GAS2: variants seen among roughly 807,000 people sequenced by gnomAD.
GAS2 encodes the protein growth arrest specific 2.
Under a neutral mutation model 37.5 loss-of-function variants are expected in GAS2, and 20 were observed. That is an observed-to-expected ratio of 0.53 (90% CI 0.37 to 0.77). GAS2 has a LOEUF of 0.77. Ranked by LOEUF, GAS2 falls within the 30% of genes least tolerant of loss-of-function variation. GAS2 has a pLI of 0.00. For synonymous variants in GAS2, 144 were observed against 132.2 expected (o/e 1.09, Z -0.61); for missense variants, 336 against 373.4 (o/e 0.90, Z 0.82).
chr11:22,657,282 G>T (rs1263328354), intron 1 of GAS2, among the ~76,000 whole-genome samples: 1 of 152,184 alleles, frequency 6.6e-6, no homozygotes. Flanking sequence ...CTGGGACAGG[G>T]TAACAGCAAG....
At chr11:22,705,537 T>C (rs1460047194) in intron 3 of GAS2, among the ~76,000 whole-genome samples, 1 of 152,228 alleles carries the variant, frequency 6.6e-6, no homozygotes, top group African/African-American at 2.4e-5. Flanking sequence ...ACTTGCAGTC[T>C]AGTTAGGTAC....
At chr11:22,740,818 A>T (rs942895737) in intron 5 of GAS2, among the ~76,000 whole-genome samples, 4 of 152,212 alleles carry the variant, frequency 2.6e-5, no homozygotes, top group Non-Finnish European at 4.4e-5. Context: ...CCCATAGAGG[A>T]TTATACAAAT....
At chr11:22,675,671 A>G (rs1849393626) in intron 2 of GAS2, among the ~76,000 whole-genome samples, 1 of 95,196 alleles carries the variant, frequency 1.1e-5, no homozygotes, top group South Asian at 3.0e-4. Flanking sequence ...TCACATGTTT[A>G]AAGGATCATC....
chr11:22,756,034 AGGAACTTCCATAT>A, intron 7 of GAS2, 81 bp downstream of exon 7: 1 of 945,420 alleles, frequency 1.1e-6, no homozygotes, highest in Non-Finnish European at 1.6e-6. Context: ...AGATAAGAGC[AGGAACTTCCATAT>A]GGTGCTTACG....
chr11:22,739,383 A>C (rs1304064117), intron 5 of GAS2, among the ~76,000 whole-genome samples: 1 of 151,696 alleles, frequency 6.6e-6, no homozygotes, highest in African/African-American at 2.4e-5. Context: ...GACCATCCTG[A>C]CTAACAGAAT....
intron 3 of GAS2, among the ~76,000 whole-genome samples, chr11:22,688,751 G>A (rs950911219): frequency 1.3e-5 from 2 of 151,946 alleles, no homozygotes; most frequent in Non-Finnish European, 2.9e-5. Context: ...TGTGATAAAG[G>A]TTTTAGTATA....
At chr11:22,638,407 G>A (rs1194595360) in intron 1 of GAS2, among the ~76,000 whole-genome samples, 2 of 150,806 alleles carry the variant, frequency 1.3e-5, no homozygotes, top group African/African-American at 4.9e-5. Context: ...GTGCAGTGGC[G>A]TGATCTCGGC....
At chr11:22,750,273 G>T (rs1347172290) in intron 6 of GAS2, among the ~76,000 whole-genome samples, 4 of 152,182 alleles carry the variant, frequency 2.6e-5, no homozygotes, top group Middle Eastern at 3.4e-3. Flanking sequence ...CAGGATATGA[G>T]CAGAAAAGAG....
intron 3 of GAS2, among the ~76,000 whole-genome samples, chr11:22,721,905 T>A (rs933307116): frequency 8.6e-5 from 13 of 152,016 alleles, no homozygotes; most frequent in Non-Finnish European, 1.8e-4. Context: ...ATATTCAGTA[T>A]TTTTTACTTG....
chr11:22,626,474 T>C (rs1307371669), intron 1 of GAS2: 1 of 154,152 alleles, frequency 6.5e-6, no homozygotes, highest in Non-Finnish European at 1.4e-5. Flanking sequence ...AATAGCTTAA[T>C]TGACTCTTCT....
intron 7 of GAS2, among the ~76,000 whole-genome samples, chr11:22,771,996 T>A (rs1369787265): frequency 6.6e-6 from 1 of 152,186 alleles, no homozygotes; most frequent in Non-Finnish European, 1.5e-5. Flanking sequence ...TCCCCATTAA[T>A]AATTGACAGA....
chr11:22,756,039 C>T (rs1854017092), intron 7 of GAS2, 86 bp downstream of exon 7: 5 of 889,134 alleles, frequency 5.6e-6, no homozygotes, highest in African/African-American at 5.0e-5. Context: ...AGAGCAGGAA[C>T]TTCCATATGG....
rs73480087 is a variant in GAS2 at position 22,700,577 on chromosome 11, C to T, written c.267+14788C>T. Among the ~76,000 whole-genome samples, 526 of 152,204 alleles carry T rather than the reference C, an allele frequency of 3.5e-3. 3 individuals are homozygous for T. Among genetic ancestry groups the T allele is most frequent in the African/African-American group, 0.012 (513 of 41,522 alleles). ...TTAAACTAGTTAAGAAAAAGTGGAT[C>T]TTGGAGGAGGATAATCATTTAGTTA... On this transcript the variant is annotated intron_variant, in intron 3 of 7. Transcript: ENST00000454584.
At chr11:22,674,774 A>T in intron 1 of GAS2, 76 bp from the exon 2 acceptor site, 2 of 1,165,166 alleles carry the variant, frequency 1.7e-6, no homozygotes, top group Non-Finnish European at 2.4e-6. Flanking sequence ...GATCCAGTTC[A>T]TTATAATGTC....
intron 3 of GAS2, among the ~76,000 whole-genome samples, chr11:22,715,323 TG>T (rs771424326): frequency 4.9e-4 from 74 of 151,056 alleles, no homozygotes; most frequent in Admixed American, 1.1e-3. Flanking sequence ...TAGCCAAGTG[TG>T]GTGGCACGTG....
intron 2 of GAS2, among the ~76,000 whole-genome samples, chr11:22,679,457 T>G (rs1440883300): frequency 6.6e-6 from 1 of 152,102 alleles, no homozygotes; most frequent in Non-Finnish European, 1.5e-5. Flanking sequence ...TTAATTGTCA[T>G]TATGAGCAAA....
intron 7 of GAS2, among the ~76,000 whole-genome samples, chr11:22,797,248 TC>T (rs1332486111): frequency 6.6e-6 from 1 of 152,036 alleles, no homozygotes; most frequent in African/African-American, 2.4e-5. Context: ...CACCAGTCCA[TC>T]ATCATATGTC....
At chr11:22,651,387 A>G (rs1295692703) in intron 1 of GAS2, among the ~76,000 whole-genome samples, 3 of 152,116 alleles carry the variant, frequency 2.0e-5, no homozygotes, top group African/African-American at 4.8e-5. Context: ...GAATCTGACA[A>G]TTATGTGTCT....
intron 7 of GAS2, among the ~76,000 whole-genome samples, chr11:22,789,425 G>GAT (rs35755438): frequency 0.12 from 3,575 of 30,384 alleles, 179 homozygotes; most frequent in Non-Finnish European, 0.14. Flanking sequence ...TCTCATATGA[G>GAT]ATATATATAT....
Sources: allele counts gnomAD v4.1 joint callset (sites outside exome capture counted in the v4.1 genomes callset), GRCh38; gene constraint gnomAD v4.1.1; transcripts MANE v1.5; gene names NCBI Gene and HGNC (gene_info 2026-07-23, HGNC 2026-07-21).